PTH2R: variants seen among roughly 807,000 people sequenced by gnomAD.
PTH2R encodes parathyroid hormone 2 receptor.
In PTH2R, 59 loss-of-function variants were observed where a neutral mutation model predicts 60.3. The observed-to-expected ratio is 0.98, with a 90% CI of 0.79 to 1.22. The LOEUF (loss-of-function observed/expected upper bound fraction) is 1.22, where lower values mean the gene tolerates loss of function less well. Ranked by LOEUF, PTH2R falls within the 50% of genes most tolerant of loss-of-function variation. The probability of loss-of-function intolerance (pLI) is 0.00; values close to 1 mark genes in which losing one functional copy is unlikely to be tolerated. For synonymous variants in PTH2R, 256 were observed against 243.8 expected (o/e 1.05, Z -0.47); for missense variants, 749 against 682.6 (o/e 1.10, Z -1.08).
chr2:208,438,105 C>T (rs1574872666), intron 4 of PTH2R, among the ~76,000 whole-genome samples: 5 of 151,722 alleles, frequency 3.3e-5, no homozygotes, highest in Admixed American at 3.3e-4. Flanking sequence ...CATACTTATA[C>T]CTGTGTGTGT....
intron 11 of PTH2R, among the ~76,000 whole-genome samples, chr2:208,490,118 A>G (rs538338284): frequency 6.6e-6 from 1 of 152,168 alleles, no homozygotes; most frequent in South Asian, 2.1e-4. Context: ...TTTATATTTT[A>G]TCCATGTCTC....
At chr2:208,408,271 C>T (rs559268634) in intron 1 of PTH2R, among the ~76,000 whole-genome samples, 5 of 152,194 alleles carry the variant, frequency 3.3e-5, no homozygotes, top group African/African-American at 9.6e-5. Flanking sequence ...GTAAGATACA[C>T]TTAAACCTGA....
intron 9 of PTH2R, among the ~76,000 whole-genome samples, chr2:208,460,758 G>T (rs1024300444): frequency 6.6e-6 from 1 of 152,004 alleles, no homozygotes; most frequent in African/African-American, 2.4e-5. Context: ...TGTTTTCCTG[G>T]TGTTCATGTA....
intron 7 of PTH2R, 27 bp from the exon 8 acceptor site, chr2:208,450,721 TA>T: frequency 6.2e-7 from 1 of 1,609,160 alleles, no homozygotes; most frequent in Non-Finnish European, 8.5e-7. Flanking sequence ...AAAATAAATC[TA>T]GTCTCTGAAT....
intron 1 of PTH2R, among the ~76,000 whole-genome samples, chr2:208,397,713 C>G (rs192472069): frequency 1.3e-5 from 2 of 152,048 alleles, no homozygotes; most frequent in African/African-American, 4.8e-5. Context: ...TTCAAGTAGC[C>G]GGTGAAAAAA....
intron 4 of PTH2R, among the ~76,000 whole-genome samples, chr2:208,441,765 A>G (rs1294063554): frequency 1.3e-5 from 2 of 152,236 alleles, no homozygotes; most frequent in Non-Finnish European, 2.9e-5. Context: ...AAAAATGTAC[A>G]TATGATCAAA....
chr2:208,405,898 C>T (rs1400619863), upstream of PTH2R, among the ~76,000 whole-genome samples: 6 of 152,166 alleles, frequency 3.9e-5, no homozygotes, highest in East Asian at 1.9e-4. Context: ...AATGAGGAAG[C>T]GGGCTTTTAT....
At chr2:208,396,785 A>C (rs1305235874) in intron 1 of PTH2R, among the ~76,000 whole-genome samples, 1 of 152,188 alleles carries the variant, frequency 6.6e-6, no homozygotes, top group East Asian at 1.9e-4. Flanking sequence ...ATACCATTTG[A>C]CCCAGCGATC....
chr2:208,484,481 G>C (rs986062395), intron 10 of PTH2R, among the ~76,000 whole-genome samples: 6 of 152,208 alleles, frequency 3.9e-5, no homozygotes, highest in Admixed American at 3.9e-4. Context: ...AAACAAAATT[G>C]TGTGAATAAA....
intron 9 of PTH2R, among the ~76,000 whole-genome samples, chr2:208,480,311 C>T (rs1703116991): frequency 1.3e-5 from 2 of 152,186 alleles, no homozygotes; most frequent in Admixed American, 1.3e-4. Context: ...TAAGCACTAG[C>T]ACTTTCTGGA....
chr2:208,491,453 T>A (rs974505210), intron 12 of PTH2R, among the ~76,000 whole-genome samples: 1 of 152,218 alleles, frequency 6.6e-6, no homozygotes, highest in Non-Finnish European at 1.5e-5. Flanking sequence ...CAGTCAAAGA[T>A]GGGTTTATTT....
intron 1 of PTH2R, among the ~76,000 whole-genome samples, chr2:208,388,143 C>CG (rs1574829297): frequency 1.3e-5 from 2 of 148,858 alleles, no homozygotes; most frequent in South Asian, 2.2e-4. Context: ...CCCCCCCCCC[C>CG]GTCTCTACTA....
intron 4 of PTH2R, 143 bp from the exon 5 acceptor site, chr2:208,442,221 C>A: frequency 3.1e-6 from 2 of 645,834 alleles, no homozygotes; most frequent in East Asian, 2.8e-5. Flanking sequence ...CACTCCAGAT[C>A]TCTACATTTT....
intron 1 of PTH2R, among the ~76,000 whole-genome samples, chr2:208,368,384 A>C (rs546454332): frequency 6.6e-6 from 1 of 152,362 alleles, no homozygotes; most frequent in East Asian, 1.9e-4. Flanking sequence ...CAATAGACTT[A>C]GCTGCCATCC....
upstream of PTH2R, among the ~76,000 whole-genome samples, chr2:208,405,899 G>A (rs773810744): frequency 2.0e-5 from 3 of 152,162 alleles, no homozygotes; most frequent in Admixed American, 6.5e-5. Context: ...ATGAGGAAGC[G>A]GGCTTTTATC....
intron 9 of PTH2R, among the ~76,000 whole-genome samples, chr2:208,480,371 C>T (rs1285082437): frequency 6.6e-6 from 1 of 152,116 alleles, no homozygotes; most frequent in East Asian, 1.9e-4. Flanking sequence ...GGCCTCCATC[C>T]CCTTATGACC....
intron 1 of PTH2R, among the ~76,000 whole-genome samples, chr2:208,394,047 G>A (rs1701159798): frequency 6.6e-6 from 1 of 152,206 alleles, no homozygotes; most frequent in African/African-American, 2.4e-5. Flanking sequence ...AAAGAACTGG[G>A]TTGATTGTAC....
intron 8 of PTH2R, among the ~76,000 whole-genome samples, chr2:208,457,540 A>G (rs1702538766): frequency 6.6e-6 from 1 of 152,234 alleles, no homozygotes; most frequent in Admixed American, 6.5e-5. Context: ...ACACTTTTAA[A>G]AGGAAAAAGC....
chr2:208,407,394 G>A (rs188281762), intron 1 of PTH2R, among the ~76,000 whole-genome samples: 2 of 152,340 alleles, frequency 1.3e-5, no homozygotes, highest in Admixed American at 6.5e-5. Context: ...GAACAGCGGA[G>A]TCGTGGATCA....
Sources: allele counts gnomAD v4.1 joint callset (sites outside exome capture counted in the v4.1 genomes callset), GRCh38; gene constraint gnomAD v4.1.1; transcripts MANE v1.5; gene names NCBI Gene and HGNC (gene_info 2026-07-23, HGNC 2026-07-21).